The following SORCS2 variants were observed in gnomAD, a reference collection of about 807,000 sequenced individuals.
SORCS2 encodes the protein sortilin related VPS10 domain containing receptor 2, also known as VPS10 domain-containing receptor SorCS2.
A neutral mutation model predicts 141.6 loss-of-function variants in SORCS2; 100 were observed. The ratio of observed to expected loss-of-function variants is 0.71; its 90% CI spans 0.60 to 0.83. SORCS2 has a LOEUF of 0.83. Among genes scored for constraint, SORCS2 ranks in the 40% least tolerant of loss-of-function variants. The pLI, the probability that SORCS2 is intolerant of heterozygous loss-of-function variation, is 0.00. For missense variants in SORCS2, 1,646 were observed against 1,560.2 expected (o/e 1.05, Z -0.93); for synonymous variants, 789 against 676.9 (o/e 1.17, Z -2.57).
Position 7,201,353 on chromosome 4 carries a change from A to G in SORCS2, c.480+8227A>G, listed in dbSNP as rs1577268595. 6.6e-6 allele frequency among the ~76,000 whole-genome samples: 1 copy of G among 152,312 alleles called. No homozygotes were observed. The highest frequency in any genetic ancestry group is 1.9e-4 in the East Asian group (1 of 5,184). Reference sequence around the variant, plus strand: ...GTTGCTGAGCACATTTCACAAATCCACTTTTACTTTAATAAAGGGCGATTT... The same window carrying G: ...GTTGCTGAGCACATTTCACAAATCCGCTTTTACTTTAATAAAGGGCGATTT... On this transcript the variant is annotated intron_variant, in intron 1 of 26. Transcript: ENST00000507866. The surrounding 1 kb of genome is among the most constrained non-coding windows in gnomAD (Gnocchi z 4.4).
In SORCS2 at chr4:7,740,428, AGGCCCACGGGG is replaced by A; in HGVS notation, c.*175_*185del. 2 of 651,902 alleles carry A rather than the reference AGGCCCACGGGG, an allele frequency of 3.1e-6. No individual in the cohort carries two copies. Among genetic ancestry groups the A allele is most frequent in the Admixed American group, 2.6e-5 (1 of 38,918 alleles). The allele number at this position is 651,902 out of a possible 1,614,324, so 40.4% of individuals were successfully genotyped here. A position where few individuals can be genotyped will look rare whatever the true frequency, so the allele number is the denominator to read the frequency against. ...CCCTCTGATAAATCCAAGCCCGCCC[AGGCCCACGGGG>A]GGCCCACGGGACCCCCCGGGACTCC... On this transcript the variant is annotated 3_prime_UTR_variant, in exon 27 of 27. Coordinates refer to ENST00000507866, the MANE Select transcript of SORCS2 (RefSeq NM_020777.3).
intron 1 of SORCS2, among the ~76,000 whole-genome samples, chr4:7,342,192 G>A (rs1257771600): frequency 6.6e-6 from 1 of 152,082 alleles, no homozygotes; most frequent in Non-Finnish European, 1.5e-5. Flanking sequence ...GGCTATTCTA[G>A]TGCTGGGAAC....
At chr4:7,351,476 C>T (rs1720933559) in intron 1 of SORCS2, among the ~76,000 whole-genome samples, 1 of 152,176 alleles carries the variant, frequency 6.6e-6, no homozygotes, top group Non-Finnish European at 1.5e-5. Flanking sequence ...TCCTTCTCTC[C>T]TTTCTTTCTG....
intron 1 of SORCS2, among the ~76,000 whole-genome samples, chr4:7,302,290 G>A (rs1034144509): frequency 6.6e-6 from 1 of 152,232 alleles, no homozygotes; most frequent in Non-Finnish European, 1.5e-5. Flanking sequence ...TAGCTTGCAC[G>A]TTGCTGGAGA....
rs545596524 is a variant in SORCS2 at position 7,694,644 on chromosome 4, G to A, written c.1592-2554G>A. On this transcript the variant is annotated intron_variant, in intron 11 of 26. Transcript: ENST00000507866. ...CGCCTGGGATAGCAGAAAGATAAAA[G>A]GCATCTTTTCTTTCTCTCCTCCCTG... Among the ~76,000 whole-genome samples, 13 of 152,306 alleles carry A rather than the reference G, an allele frequency of 8.5e-5. No homozygotes were observed. The South Asian group carries it at 2.7e-3, about 32-fold the overall frequency.
intron 3 of SORCS2, among the ~76,000 whole-genome samples, chr4:7,600,967 C>A (rs1560417217): frequency 1.3e-5 from 2 of 152,170 alleles, no homozygotes; most frequent in Non-Finnish European, 2.9e-5. Context: ...CTCACTGCAA[C>A]CTCCATCTCC....
At chr4:7,423,652 G>A (rs772083744) in intron 2 of SORCS2, among the ~76,000 whole-genome samples, 22 of 152,144 alleles carry the variant, frequency 1.4e-4, no homozygotes, top group Non-Finnish European at 2.2e-4. Context: ...GGTCAGTTTC[G>A]TGCCCAGGAC....
At chr4:7,724,955 GGTGA>G (rs1727093318) in intron 19 of SORCS2, among the ~76,000 whole-genome samples, 195 bp from the exon 20 acceptor site, 1 of 140,414 alleles carries the variant, frequency 7.1e-6, no homozygotes, top group African/African-American at 2.8e-5. Flanking sequence ...TGGTGGTGTT[GGTGA>G]TGGTGGTGAT....
At chr4:7,198,533 C>T (rs569591752) in intron 1 of SORCS2, among the ~76,000 whole-genome samples, 1 of 152,200 alleles carries the variant, frequency 6.6e-6, no homozygotes, top group African/African-American at 2.4e-5. Flanking sequence ...GAGGTGTGGC[C>T]CCCGGTGGCT....
chr4:7,428,428 T>C (rs1726602594), intron 2 of SORCS2, among the ~76,000 whole-genome samples: 1 of 152,128 alleles, frequency 6.6e-6, no homozygotes, highest in South Asian at 2.1e-4. Flanking sequence ...TGAGACGAAT[T>C]CCTGCCTCCT....
In SORCS2 at chr4:7,403,733, A is replaced by G. The variant is rs181683327; in HGVS notation, c.548+7378A>G. On this transcript the variant is annotated intron_variant, in intron 2 of 26. Transcript: ENST00000507866. ...ATCTCATTTAATTCCATAATCTTTA[A>G]TTTTTCTTTAAATTTTATTATGATT... Among the ~76,000 whole-genome samples, 79 of 150,858 alleles carry G rather than the reference A, an allele frequency of 5.2e-4. No individual in the cohort carries two copies. The East Asian group carries it at 0.011, about 20-fold the overall frequency.
At chr4:7,491,392 C>T (rs567747850) in intron 2 of SORCS2, among the ~76,000 whole-genome samples, 141 of 152,346 alleles carry the variant, frequency 9.3e-4, no homozygotes, top group Non-Finnish European at 1.6e-3. Context: ...CATGGAGTCC[C>T]GGTCTCAAGG....
chr4:7,667,187 A>C lies in SORCS2; in HGVS notation c.1135A>C (p.Lys379Gln). 3 of 1,613,838 alleles carry C rather than the reference A, an allele frequency of 1.9e-6. No individual in the cohort carries two copies. The highest frequency in any genetic ancestry group is 2.5e-6 in the Non-Finnish European group (3 of 1,179,758). The change falls in exon 8 of 27, where the codon AAG becomes CAG. Residue 379 changes from lysine (K) to glutamine (Q), a missense_variant. By Grantham distance (53) the Lys-to-Gln change is moderately conservative. Coordinates refer to ENST00000507866, the MANE Select transcript of SORCS2 (RefSeq NM_020777.3). ...TCGTCGAAATGAATTTGTCCTGATGAAGCTGCCGAAGTATGCATTGCCAAA... is the reference window on the plus strand; with the variant it reads ...TCGTCGAAATGAATTTGTCCTGATGCAGCTGCCGAAGTATGCATTGCCAAA... Reference protein sequence around the residue: ...SYRRNEFVLMKLPKYALPKDL... With the variant: ...SYRRNEFVLMQLPKYALPKDL...
At chr4:7,662,339 G>A (rs1722231479) in intron 6 of SORCS2, among the ~76,000 whole-genome samples, 1 of 151,852 alleles carries the variant, frequency 6.6e-6, no homozygotes, top group African/African-American at 2.4e-5. Context: ...TTTGCCTGGG[G>A]TCACAAGGTC....
chr4:7,231,043 T>C (rs1323039409), intron 1 of SORCS2, among the ~76,000 whole-genome samples: 3 of 152,280 alleles, frequency 2.0e-5, no homozygotes, highest in Non-Finnish European at 4.4e-5. Flanking sequence ...TCTGTCTATA[T>C]CTAGAGATTT....
chr4:7,728,757 G>A (rs562810435), intron 22 of SORCS2, among the ~76,000 whole-genome samples: 9 of 152,220 alleles, frequency 5.9e-5, no homozygotes, highest in Admixed American at 1.3e-4. Flanking sequence ...CCCCACTGTC[G>A]TCCTCCAGTG....
chr4:7,688,140 GC>G (rs1432145348), intron 10 of SORCS2, among the ~76,000 whole-genome samples: 1 of 152,160 alleles, frequency 6.6e-6, no homozygotes, highest in Non-Finnish European at 1.5e-5. Context: ...CAATTCATGG[GC>G]CAGAAGAAAG....
intron 1 of SORCS2, among the ~76,000 whole-genome samples, chr4:7,335,342 T>C (rs867711290): frequency 4.6e-5 from 7 of 152,216 alleles, no homozygotes; most frequent in South Asian, 2.1e-4. Flanking sequence ...GGGCCCTCCC[T>C]GGGGAGTGAA....
Position 7,723,388 on chromosome 4 carries a change from C to T in SORCS2, c.2425-309C>T, listed in dbSNP as rs117448591. Among the ~76,000 whole-genome samples the T allele has an allele frequency of 1.9e-3, 285 of 152,268 alleles. 1 individual carries two copies. The highest frequency in any genetic ancestry group is 0.018 in the South Asian group (85 of 4,824). On this transcript the variant is annotated intron_variant, in intron 18 of 26. Coordinates refer to ENST00000507866, the MANE Select transcript of SORCS2 (RefSeq NM_020777.3). ...TGGGTCTCCCCCGGGCCCTGACTGCCCCCCAGCTGCTCTCTGATGACACCC... is the reference window on the plus strand; with the variant it reads ...TGGGTCTCCCCCGGGCCCTGACTGCTCCCCAGCTGCTCTCTGATGACACCC...
Sources: allele counts gnomAD v4.1 joint callset (sites outside exome capture counted in the v4.1 genomes callset), GRCh38; gene constraint gnomAD v4.1.1; non-coding constraint Gnocchi (gnomAD v3.1); transcripts MANE v1.5; gene names NCBI Gene and HGNC (gene_info 2026-07-23, HGNC 2026-07-21).